TDRD9: variants seen among roughly 807,000 people sequenced by gnomAD.
TDRD9 encodes the protein ATP-dependent RNA helicase TDRD9.
Under a neutral mutation model 172.6 loss-of-function variants are expected in TDRD9, and 124 were observed. The ratio of observed to expected loss-of-function variants is 0.72; its 90% CI spans 0.62 to 0.83. The LOEUF (loss-of-function observed/expected upper bound fraction) is 0.83. Among genes scored for constraint, TDRD9 ranks in the 40% least tolerant of loss-of-function variants. The probability of loss-of-function intolerance (pLI) is 0.00; values close to 1 mark genes in which losing one functional copy is unlikely to be tolerated. For synonymous variants in TDRD9, 619 were observed against 617.1 expected (o/e 1.00, Z -0.05); for missense variants, 1,479 against 1,714.1 (o/e 0.86, Z 2.42).
intron 20 of TDRD9, chr14:104,013,924 T>A (rs1240534737): frequency 1.4e-5 from 2 of 145,984 alleles, no homozygotes; most frequent in African/African-American, 5.1e-5. Context: ...TATAGCAAGA[T>A]CTTGCCTCTA....
intron 2 of TDRD9, among the ~76,000 whole-genome samples, chr14:103,956,095 AAAAAAAAAAAAAAAAAATATAT>A (rs1485243706): frequency 2.1e-5 from 1 of 48,074 alleles, no homozygotes; most frequent in South Asian, 8.7e-4. Flanking sequence ...AAAAAAAAAA[AAAAAAAAAAAAAAAAAATATAT>A]ATATATATAT....
At chr14:104,031,424 C>CTGGGGTT (rs1284358681) in intron 29 of TDRD9, among the ~76,000 whole-genome samples, 161 bp downstream of exon 29, 3 of 148,500 alleles carry the variant, frequency 2.0e-5, no homozygotes, top group Admixed American at 1.3e-4. Flanking sequence ...AGAAAAAACC[C>CTGGGGTT]TGGGGTTTAG....
intron 33 of TDRD9, 107 bp downstream of exon 33, chr14:104,040,441 C>A: frequency 8.3e-7 from 1 of 1,203,226 alleles, no homozygotes; most frequent in Non-Finnish European, 1.1e-6. Flanking sequence ...CAGACACACA[C>A]CTCTGGTCCT....
At chr14:103,958,569 G>A (rs1595915750) in intron 2 of TDRD9, among the ~76,000 whole-genome samples, 1 of 152,326 alleles carries the variant, frequency 6.6e-6, no homozygotes, top group East Asian at 1.9e-4. Flanking sequence ...GTCATCACAG[G>A]GTTTTTCCTA....
chr14:104,038,749 T>G (rs2035526192), intron 32 of TDRD9, among the ~76,000 whole-genome samples: 1 of 152,196 alleles, frequency 6.6e-6, no homozygotes, highest in Non-Finnish European at 1.5e-5. Flanking sequence ...CCATCTCAGC[T>G]CACTGCAACC....
intron 34 of TDRD9, among the ~76,000 whole-genome samples, chr14:104,045,940 G>A (rs997973366): frequency 9.2e-5 from 14 of 152,154 alleles, no homozygotes; most frequent in Non-Finnish European, 1.3e-4. Flanking sequence ...TATAACAGGG[G>A]AAAATGGACT....
chr14:104,040,185 A>G lies in TDRD9; in HGVS notation c.3717-11A>G. 1.4e-6 allele frequency: 2 copies of G among 1,448,660 alleles called. No individual in the cohort carries two copies. Among genetic ancestry groups the G allele is most frequent in the Non-Finnish European group, 1.8e-6 (2 of 1,090,358 alleles). 89.7% of individuals were successfully genotyped at this position (1,448,660 alleles called of 1,614,324 possible). Reference sequence around the variant, plus strand: ...TGAAATAATGGACTCTTCTGAAAACATTCCATTTAGGATTGATCAGAATGG... The same window carrying G: ...TGAAATAATGGACTCTTCTGAAAACGTTCCATTTAGGATTGATCAGAATGG... On this transcript the variant is annotated splice_polypyrimidine_tract_variant and intron_variant, in intron 32 of 35. Coordinates refer to ENST00000409874, the MANE Select transcript of TDRD9 (RefSeq NM_153046.3).
chr14:104,034,881 G>C, intron 31 of TDRD9, 79 bp from the exon 32 acceptor site: 1 of 1,091,728 alleles, frequency 9.2e-7, no homozygotes, highest in African/African-American at 1.6e-5. Flanking sequence ...CTGCAGATGA[G>C]TAGGAGCGGG....
Position 103,991,181 on chromosome 14 carries a change from C to G in TDRD9, c.1137C>G (p.Ala379=). The G allele has an allele frequency of 3.7e-6, 6 of 1,613,850 alleles. No individual in the cohort carries two copies. Among genetic ancestry groups the G allele is most frequent in the Non-Finnish European group, 2.5e-6 (3 of 1,179,868 alleles). Reference sequence around the variant, plus strand: ...ACAGGAACAAGGCTTGGTCGGGGGCCCAGTTTGTGTTGGAGCGAAGCAGTG... The same window carrying G: ...ACAGGAACAAGGCTTGGTCGGGGGCGCAGTTTGTGTTGGAGCGAAGCAGTG... ...KESGNKAWSG[A]QFVLERSSVL... The change falls in exon 9 of 36, where the codon GCC becomes GCG. Residue 379 remains alanine, a synonymous_variant. Coordinates refer to ENST00000409874, the MANE Select transcript of TDRD9 (RefSeq NM_153046.3).
chr14:103,928,674 G>C lies in TDRD9; in HGVS notation c.165G>C (p.Gln55His). The change falls in exon 1 of 36, where the codon CAG becomes CAC. Residue 55 changes from glutamine (Q) to histidine (H), a missense_variant. Physicochemically the swap from Gln to His is conservative, Grantham distance 24 (BLOSUM62 0). This residue lies in a region of TDRD9 where 1,413 missense variants were observed against 1,649.1 expected (regional missense o/e 0.86). Coordinates refer to ENST00000409874, the MANE Select transcript of TDRD9 (RefSeq NM_153046.3). ...DVAPGAGPAA[Q>H]APALAQAPAR... is the part of the protein sequence containing the mutation. ...CCCCCGGCGCTGGTCCCGCGGCCCAGGCTCCGGCTCTGGCCCAAGCTCCGG... is the reference window on the plus strand; with the variant it reads ...CCCCCGGCGCTGGTCCCGCGGCCCACGCTCCGGCTCTGGCCCAAGCTCCGG... 8.1e-7 allele frequency: 1 copy of C among 1,228,338 alleles called. No individual in the cohort carries two copies. The highest frequency in any genetic ancestry group is 1.0e-6 in the Non-Finnish European group (1 of 975,192). 76.1% of individuals were successfully genotyped at this position (1,228,338 alleles called of 1,614,324 possible).
intron 6 of TDRD9, among the ~76,000 whole-genome samples, chr14:103,971,271 C>A (rs1015327020): frequency 3.3e-5 from 5 of 151,540 alleles, no homozygotes; most frequent in Non-Finnish European, 5.9e-5. Flanking sequence ...GTGTGAGCCA[C>A]CGCGCCTGGC....
At chr14:103,946,367 A>C (rs181523358) in intron 1 of TDRD9, among the ~76,000 whole-genome samples, 66 of 152,364 alleles carry the variant, frequency 4.3e-4, no homozygotes, top group African/African-American at 1.5e-3. Flanking sequence ...GTTCATATTA[A>C]AAACTCTCAA....
At chr14:104,003,891 A>G (rs550857201) in intron 13 of TDRD9, among the ~76,000 whole-genome samples, 2 of 152,044 alleles carry the variant, frequency 1.3e-5, no homozygotes, top group African/African-American at 2.4e-5. Flanking sequence ...TGTACTGTGC[A>G]TTTTCAAGAA....
At position 104,005,348 on chromosome 14, in the gene TDRD9, T is replaced by G. The variant is rs759415940; in HGVS notation, c.1656T>G (p.Thr552=). ...DMGEPRALLA[T]ALSPPGLSDI... is the part of the protein sequence containing the mutation. Reference sequence around the variant, plus strand: ...GTGAGCCGAGAGCTCTGCTGGCCACTGCCCTTTCCCCGCCTGGTCTGAGTG... The same window carrying G: ...GTGAGCCGAGAGCTCTGCTGGCCACGGCCCTTTCCCCGCCTGGTCTGAGTG... The change falls in exon 15 of 36, where the codon ACT becomes ACG. Residue 552 remains threonine, a synonymous_variant. Transcript: ENST00000409874. 1 of 1,614,012 alleles carries G rather than the reference T, an allele frequency of 6.2e-7. No homozygotes were observed. Among genetic ancestry groups the G allele is most frequent in the Non-Finnish European group, 8.5e-7 (1 of 1,179,880 alleles).
chr14:104,023,738 A>G lies in TDRD9; in HGVS notation c.2607-831A>G, dbSNP rs367793204. Among the ~76,000 whole-genome samples, 31 of 152,298 alleles carry G rather than the reference A, an allele frequency of 2.0e-4. No individual in the cohort carries two copies. In the East Asian group the frequency reaches 5.8e-3, roughly 28 times the overall value. On this transcript the variant is annotated intron_variant, in intron 24 of 35. Coordinates refer to ENST00000409874, the MANE Select transcript of TDRD9 (RefSeq NM_153046.3). ...GGAGGAACTTAACAGGAATCTGAGGAGTTGGTGGAGGAAGGCAAATCTGTT... is the reference window on the plus strand; with the variant it reads ...GGAGGAACTTAACAGGAATCTGAGGGGTTGGTGGAGGAAGGCAAATCTGTT...
chr14:104,036,398 G>T (rs1386412018), intron 32 of TDRD9, among the ~76,000 whole-genome samples: 1 of 152,180 alleles, frequency 6.6e-6, no homozygotes, highest in Non-Finnish European at 1.5e-5. Flanking sequence ...AAGTTCAGGC[G>T]TCTTGGAGCC....
At chr14:104,032,835 C>G (rs1272030214) in intron 30 of TDRD9, among the ~76,000 whole-genome samples, 1 of 152,032 alleles carries the variant, frequency 6.6e-6, no homozygotes, top group Non-Finnish European at 1.5e-5. Context: ...GATAAGGGCA[C>G]AGAACATCAT....
chr14:104,035,853 A>C (rs1363001412), intron 32 of TDRD9, among the ~76,000 whole-genome samples: 1 of 151,574 alleles, frequency 6.6e-6, no homozygotes, highest in Non-Finnish European at 1.5e-5. Context: ...GCTGGTGAGC[A>C]TGGAGGGGTG....
At chr14:103,985,734 G>T (rs547065474) in intron 7 of TDRD9, among the ~76,000 whole-genome samples, 1 of 152,206 alleles carries the variant, frequency 6.6e-6, no homozygotes, top group Non-Finnish European at 1.5e-5. Flanking sequence ...CACATTGGTA[G>T]ATACGGATGT....
Sources: gnomAD v4.1 joint callset for allele counts (sites outside exome capture counted in the v4.1 genomes callset) on GRCh38, gnomAD v4.1.1 for gene constraint, gnomAD v4.1.1 regional missense constraint, MANE v1.5 for transcripts, NCBI Gene and HGNC (gene_info 2026-07-23, HGNC 2026-07-21) for gene names.